Variants in FAF1 observed in about 807,000 individuals in gnomAD.
FAF1 encodes the protein FAS-associated factor 1.
Under a neutral mutation model 92.5 loss-of-function variants are expected in FAF1, and 25 were observed. That is an observed-to-expected ratio of 0.27 (90% CI 0.20 to 0.38). FAF1 has a LOEUF of 0.38. Ranked by LOEUF, FAF1 falls within the 10% of genes least tolerant of loss-of-function variation. The probability of loss-of-function intolerance (pLI) is 1.00; values close to 1 mark genes in which losing one functional copy is unlikely to be tolerated. For missense variants in FAF1, 636 were observed against 793.3 expected, an observed-to-expected ratio of 0.80 and a Z score of 2.38; for synonymous variants, 234 against 273.2, an observed-to-expected ratio of 0.86 and a Z score of 1.42.
intron 7 of FAF1, among the ~76,000 whole-genome samples, chr1:50,684,809 T>C (rs1656581776): frequency 6.6e-6 from 1 of 152,238 alleles, no homozygotes; most frequent in Admixed American, 6.5e-5. Context: ...TGAAATTGAA[T>C]TAATTTCAAC....
At chr1:50,903,394 G>A (rs997369126) in intron 1 of FAF1, among the ~76,000 whole-genome samples, 3 of 152,024 alleles carry the variant, frequency 2.0e-5, no homozygotes, top group Non-Finnish European at 2.9e-5. Context: ...TCTTTATATA[G>A]TCTCCTCAAG....
rs764603731 is a variant in FAF1, at chr1:50,651,592, G to A, written c.744+3850C>T. On this transcript the variant is annotated intron_variant, in intron 8 of 18. Coordinates refer to ENST00000396153, the MANE Select transcript of FAF1 (RefSeq NM_007051.3). The stretch of plus-strand genomic sequence containing the variant: ...CAATCCTCTACTCTGGCACTAGGAA[G>A]CAAATGTTCAGGTGCTTTCTCTGAA... 9.2e-5 allele frequency among the ~76,000 whole-genome samples: 14 copies of A among 152,336 alleles called. No individual in the cohort carries two copies. In the East Asian group the frequency reaches 2.7e-3, roughly 29 times the overall value.
chr1:50,706,098 G>A, intron 6 of FAF1: 1 of 447,536 alleles, frequency 2.2e-6, no homozygotes. Context: ...CTCTACCAAG[G>A]TGTTTTTAAA....
intron 1 of FAF1, among the ~76,000 whole-genome samples, chr1:50,939,018 C>CT (rs1416574826): frequency 6.6e-6 from 1 of 152,106 alleles, no homozygotes; most frequent in East Asian, 1.9e-4. Context: ...CCACTTTGTT[C>CT]TTTTTGCTTA....
intron 15 of FAF1, among the ~76,000 whole-genome samples, chr1:50,534,443 C>G (rs1462363497): frequency 6.6e-6 from 1 of 152,022 alleles, no homozygotes; most frequent in East Asian, 1.9e-4. Context: ...CCACCATACC[C>G]AGCTCATTTT....
At chr1:50,775,107 A>G (rs1660908422) in intron 4 of FAF1, among the ~76,000 whole-genome samples, 1 of 152,132 alleles carries the variant, frequency 6.6e-6, no homozygotes, top group Non-Finnish European at 1.5e-5. Flanking sequence ...TACAGAAAAA[A>G]TATTATTTAT....
intron 1 of FAF1, among the ~76,000 whole-genome samples, chr1:50,892,341 G>C (rs55724112): frequency 6.6e-6 from 1 of 152,158 alleles, no homozygotes; most frequent in Admixed American, 6.5e-5. Flanking sequence ...TTTGGTTCAC[G>C]CTTGGTGCGC....
chr1:50,739,373 T>TGC (rs1308688598), intron 5 of FAF1, among the ~76,000 whole-genome samples: 130 of 150,956 alleles, frequency 8.6e-4, no homozygotes, highest in Non-Finnish European at 1.5e-3. Flanking sequence ...TACACGTACA[T>TGC]ACATATACAT....
Position 50,440,432 on chromosome 1 carries a change from T to C in FAF1, c.*1008A>G, listed in dbSNP as rs1181609043. 1.3e-5 allele frequency: 2 copies of C among 152,232 alleles called. No homozygotes were observed. Among genetic ancestry groups the C allele is most frequent in the East Asian group, 3.8e-4 (2 of 5,204 alleles). 9.4% of individuals were successfully genotyped at this position (152,232 alleles called of 1,614,324 possible). ...TGAGATCCCTTTCATTTGAGTCCAA[T>C]ATCAAATACTAAAACATTAAAAGAA... On this transcript the variant is annotated 3_prime_UTR_variant, in exon 19 of 19. Coordinates refer to ENST00000396153, the MANE Select transcript of FAF1 (RefSeq NM_007051.3).
chr1:50,514,694 T>A (rs1275646477), intron 15 of FAF1, among the ~76,000 whole-genome samples: 1 of 152,210 alleles, frequency 6.6e-6, no homozygotes, highest in Non-Finnish European at 1.5e-5. Context: ...TAGAAAAGAT[T>A]CTTTTTCATC....
At chr1:50,952,600 A>C (rs12060499) in intron 1 of FAF1, among the ~76,000 whole-genome samples, 1 of 147,798 alleles carries the variant, frequency 6.8e-6, no homozygotes. Flanking sequence ...CCCTCTGCCC[A>C]GCCGCCCAGT....
chr1:50,575,636 C>T (rs544708613), intron 12 of FAF1, among the ~76,000 whole-genome samples: 7 of 152,206 alleles, frequency 4.6e-5, no homozygotes, highest in African/African-American at 1.7e-4. Flanking sequence ...CATTCTAAGT[C>T]TTATTTCACA....
chr1:50,709,085 T>C (rs115230564), intron 6 of FAF1, among the ~76,000 whole-genome samples: 1,976 of 152,344 alleles, frequency 0.013, 42 homozygotes, highest in African/African-American at 0.043. Context: ...GGTAGATCTA[T>C]TGTACAACTA....
At chr1:50,924,505 C>G (rs1644988837) in intron 1 of FAF1, among the ~76,000 whole-genome samples, 3 of 152,130 alleles carry the variant, frequency 2.0e-5, no homozygotes. Context: ...TCTACAGGTA[C>G]AGCATCATCT....
In FAF1 at chr1:50,582,986, T is replaced by C. The variant is rs557911024; in HGVS notation, c.1032-287A>G. 9.9e-4 allele frequency among the ~76,000 whole-genome samples: 151 copies of C among 152,258 alleles called. 1 individual carries two copies. The highest frequency in any genetic ancestry group is 4.8e-3 in the Admixed American group (74 of 15,282). The stretch of plus-strand genomic sequence containing the variant: ...TAAGAAGAAACTCTTGGTTACTCAC[T>C]TTCATATGATTTTACTAGTTACATT... On this transcript the variant is annotated intron_variant, in intron 11 of 18. Transcript: ENST00000396153.
intron 2 of FAF1, among the ~76,000 whole-genome samples, chr1:50,836,259 C>A (rs1329245521): frequency 1.5e-5 from 2 of 137,698 alleles, no homozygotes; most frequent in Non-Finnish European, 3.1e-5. Context: ...TAACTTTGAA[C>A]TCCTGGGCTC....
Position 50,861,449 on chromosome 1 carries a change from G to A in FAF1, c.46-3452C>T, listed in dbSNP as rs550371460. ...CCATTATCCTTAGTGAAATGACCCC[G>A]AAACAGAAAGTCAAAAACCGTATGT... On this transcript the variant is annotated intron_variant, in intron 1 of 18. Transcript: ENST00000396153. Among the ~76,000 whole-genome samples the A allele has an allele frequency of 5.3e-5, 8 of 151,778 alleles. No individual in the cohort carries two copies. The South Asian group carries it at 8.3e-4, about 16-fold the overall frequency.
intron 2 of FAF1, among the ~76,000 whole-genome samples, chr1:50,814,358 T>C (rs946537233): frequency 6.6e-6 from 1 of 152,156 alleles, no homozygotes; most frequent in Non-Finnish European, 1.5e-5. Flanking sequence ...ACTAATATTA[T>C]ACCCAATAAT....
intron 15 of FAF1, among the ~76,000 whole-genome samples, chr1:50,519,019 C>T (rs1325209845): frequency 2.0e-5 from 3 of 152,006 alleles, no homozygotes; most frequent in Admixed American, 6.6e-5. Context: ...GTTGATAATT[C>T]CAAAAGCAAA....
Sources: gnomAD v4.1 joint callset for allele counts (sites outside exome capture counted in the v4.1 genomes callset) on GRCh38, gnomAD v4.1.1 for gene constraint, MANE v1.5 for transcripts, NCBI Gene and HGNC (gene_info 2026-07-23, HGNC 2026-07-21) for gene names.